The following PPFIA2 variants were observed in gnomAD, a reference collection of about 807,000 sequenced individuals.
PPFIA2 encodes the protein PPFI scaffold protein A2.
In PPFIA2, 46 loss-of-function variants were observed where a neutral mutation model predicts 175.5. The ratio of observed to expected loss-of-function variants is 0.26; its 90% CI spans 0.21 to 0.34. The LOEUF (loss-of-function observed/expected upper bound fraction) is 0.34, where lower values mean the gene tolerates loss of function less well. Ranked by LOEUF, PPFIA2 falls within the 10% of genes least tolerant of loss-of-function variation. The pLI, the probability that PPFIA2 is intolerant of heterozygous loss-of-function variation, is 1.00. For missense variants in PPFIA2, 1,179 were observed against 1,506.1 expected, an observed-to-expected ratio of 0.78 and a Z score of 3.60; for synonymous variants, 568 against 511.4, an observed-to-expected ratio of 1.11 and a Z score of -1.49.
intron 22 of PPFIA2, among the ~76,000 whole-genome samples, chr12:81,321,638 T>C (rs1033134034): frequency 6.6e-6 from 1 of 152,168 alleles, no homozygotes; most frequent in Non-Finnish European, 1.5e-5. Context: ...TCCCCACTAT[T>C]TACCTAAGCC....
At chr12:81,391,723 T>A (rs986339791) in intron 8 of PPFIA2, among the ~76,000 whole-genome samples, 1 of 151,914 alleles carries the variant, frequency 6.6e-6, no homozygotes, top group African/African-American at 2.4e-5. Flanking sequence ...ACATGCAGTA[T>A]TTGGGTCAAG....
At chr12:81,486,864 T>C (rs188136107) in intron 4 of PPFIA2, among the ~76,000 whole-genome samples, 26 of 151,950 alleles carry the variant, frequency 1.7e-4, no homozygotes, top group African/African-American at 5.5e-4. Context: ...GAAATAAAAA[T>C]GAAACTAAAA....
intron 7 of PPFIA2, among the ~76,000 whole-genome samples, chr12:81,434,884 A>ATATGTTT (rs2048709672): frequency 6.6e-6 from 1 of 152,180 alleles, no homozygotes; most frequent in Admixed American, 6.5e-5. Flanking sequence ...TGGTATATAT[A>ATATGTTT]CTTGCAAACA....
At chr12:81,636,487 G>A (rs1301891194) in intron 4 of PPFIA2, among the ~76,000 whole-genome samples, 2 of 149,982 alleles carry the variant, frequency 1.3e-5, no homozygotes, top group African/African-American at 4.9e-5. Flanking sequence ...GGATGGTCTC[G>A]ATCTCCTGAC....
At chr12:81,643,264 G>T (rs934141560) in intron 4 of PPFIA2, among the ~76,000 whole-genome samples, 6 of 151,720 alleles carry the variant, frequency 4.0e-5, no homozygotes, top group Non-Finnish European at 7.4e-5. Context: ...CTCTCTGAAG[G>T]ATAGGTTTTC....
intron 3 of PPFIA2, among the ~76,000 whole-genome samples, chr12:81,697,357 A>T (rs2076013904): frequency 6.6e-6 from 1 of 152,106 alleles, no homozygotes; most frequent in Admixed American, 6.6e-5. Flanking sequence ...AGAGACTAAA[A>T]TTAAGTATTC....
rs983046356 is a variant in PPFIA2 at position 81,415,874 on chromosome 12, G to A, written c.646-9971C>T. On this transcript the variant is annotated intron_variant, in intron 7 of 32. Transcript: ENST00000549396. Reference sequence around the variant, plus strand: ...TAATTCTAATGAAAATTACAACTTTGTACTAACATCTCTCTTCTTTTTGTC... The same window carrying A: ...TAATTCTAATGAAAATTACAACTTTATACTAACATCTCTCTTCTTTTTGTC... Among the ~76,000 whole-genome samples the A allele has an allele frequency of 2.6e-5, 4 of 151,354 alleles. 1 individual carries two copies. The highest frequency in any genetic ancestry group is 7.0e-3 in the Middle Eastern group (2 of 284).
chr12:81,695,328 T>C (rs2075774012), intron 3 of PPFIA2, among the ~76,000 whole-genome samples: 1 of 152,268 alleles, frequency 6.6e-6, no homozygotes, highest in African/African-American at 2.4e-5. Context: ...GTCTGGATCA[T>C]AGGAGCATAT....
At chr12:81,607,111 T>C (rs1203781757) in intron 4 of PPFIA2, among the ~76,000 whole-genome samples, 3 of 152,068 alleles carry the variant, frequency 2.0e-5, no homozygotes, top group Non-Finnish European at 4.4e-5. Context: ...TCATCGAAGA[T>C]CTGATGGTTG....
intron 4 of PPFIA2, among the ~76,000 whole-genome samples, chr12:81,583,691 T>C (rs1170985490): frequency 6.6e-6 from 1 of 151,794 alleles, no homozygotes; most frequent in Non-Finnish European, 1.5e-5. Flanking sequence ...ACTGAATGAG[T>C]GTGTCTATGT....
chr12:81,442,885 A>AG, intron 6 of PPFIA2, among the ~76,000 whole-genome samples: 2 of 111,208 alleles, frequency 1.8e-5, no homozygotes, highest in Non-Finnish European at 3.7e-5. Context: ...ATATATATAT[A>AG]TATATATATA....
chr12:81,367,476 T>C (rs1671171849), intron 13 of PPFIA2, among the ~76,000 whole-genome samples: 1 of 151,710 alleles, frequency 6.6e-6, no homozygotes, highest in African/African-American at 2.4e-5. Context: ...CAGAAACTAT[T>C]GGTTATTCTT....
At chr12:81,707,080 C>T (rs918297871) in intron 3 of PPFIA2, among the ~76,000 whole-genome samples, 1 of 152,090 alleles carries the variant, frequency 6.6e-6, no homozygotes, top group African/African-American at 2.4e-5. Flanking sequence ...AGAAAAAAAC[C>T]TAGGCATTAC....
chr12:81,323,153 A>G (rs2139685286), intron 22 of PPFIA2, among the ~76,000 whole-genome samples: 1 of 152,126 alleles, frequency 6.6e-6, no homozygotes, highest in Middle Eastern at 3.4e-3. Context: ...GATTTCTCCC[A>G]ATTAAATTTA....
intron 4 of PPFIA2, among the ~76,000 whole-genome samples, chr12:81,566,639 G>A (rs897724265): frequency 2.0e-5 from 3 of 151,480 alleles, no homozygotes; most frequent in Non-Finnish European, 2.9e-5. Flanking sequence ...CAGCATTAGA[G>A]AGTGCTCACT....
intron 6 of PPFIA2, among the ~76,000 whole-genome samples, chr12:81,441,253 A>C (rs1208514105): frequency 6.6e-6 from 1 of 152,002 alleles, no homozygotes; most frequent in Non-Finnish European, 1.5e-5. Flanking sequence ...CCTATTAGGA[A>C]TTTTTAAGAA....
intron 4 of PPFIA2, among the ~76,000 whole-genome samples, chr12:81,642,731 G>A (rs1300264009): frequency 3.8e-4 from 2 of 5,280 alleles, no homozygotes; most frequent in Non-Finnish European, 1.2e-3. Flanking sequence ...ATACATACAT[G>A]TATATGTATG....
intron 21 of PPFIA2, 40 bp downstream of exon 21, chr12:81,339,140 A>T: frequency 6.8e-7 from 1 of 1,473,564 alleles, no homozygotes; most frequent in Non-Finnish European, 9.0e-7. Flanking sequence ...ACATGACTAA[A>T]ATGAGTGGCA....
At chr12:81,552,855 G>A (rs901502030) in intron 4 of PPFIA2, among the ~76,000 whole-genome samples, 4 of 152,032 alleles carry the variant, frequency 2.6e-5, no homozygotes, top group African/African-American at 4.8e-5. Flanking sequence ...CTATATTACA[G>A]ATCTATGCCA....
Sources: allele counts gnomAD v4.1 joint callset (sites outside exome capture counted in the v4.1 genomes callset), GRCh38; gene constraint gnomAD v4.1.1; transcripts MANE v1.5; gene names NCBI Gene and HGNC (gene_info 2026-07-23, HGNC 2026-07-21).